EPB41L3: variants seen among roughly 807,000 people sequenced by gnomAD.
EPB41L3 encodes the protein erythrocyte membrane protein band 4.1 like 3, also known as band 4.1-like protein 3.
A neutral mutation model predicts 127.1 loss-of-function variants in EPB41L3; 57 were observed. That is an observed-to-expected ratio of 0.45 (90% CI 0.36 to 0.56). The LOEUF is 0.56. Among genes scored for constraint, EPB41L3 ranks in the 20% least tolerant of loss-of-function variants. The pLI, the probability that EPB41L3 is intolerant of heterozygous loss-of-function variation, is 0.00. For synonymous variants in EPB41L3, 572 were observed against 549.5 expected, an observed-to-expected ratio of 1.04 and a Z score of -0.57; for missense variants, 1,273 against 1,372.2, an observed-to-expected ratio of 0.93 and a Z score of 1.14.
At chr18:5,421,768 T>C (rs77250533) in intron 11 of EPB41L3, among the ~76,000 whole-genome samples, 6,623 of 152,166 alleles carry the variant, frequency 0.044, 183 homozygotes, top group Middle Eastern at 0.061. Context: ...AGCTAAGCTA[T>C]GGGTATGCAA....
intron 3 of EPB41L3, among the ~76,000 whole-genome samples, chr18:5,578,010 G>A (rs1157500743): frequency 6.6e-6 from 1 of 151,738 alleles, no homozygotes; most frequent in Non-Finnish European, 1.5e-5. Flanking sequence ...ATACTAGTAG[G>A]ACTACACTGG....
chr18:5,412,528 C>T (rs551510862), intron 13 of EPB41L3, among the ~76,000 whole-genome samples: 11 of 152,156 alleles, frequency 7.2e-5, no homozygotes, highest in Non-Finnish European at 1.5e-4. Context: ...GCGCCCAGCT[C>T]GAATGACTTG....
chr18:5,493,665 T>C (rs1688055428), intron 1 of EPB41L3, among the ~76,000 whole-genome samples: 2 of 152,174 alleles, frequency 1.3e-5, no homozygotes, highest in South Asian at 4.1e-4. Flanking sequence ...TCCACTCTCC[T>C]ACTCCCTCTA....
At chr18:5,447,472 T>TTTTTA (rs398031893) in intron 3 of EPB41L3, among the ~76,000 whole-genome samples, 1 of 147,804 alleles carries the variant, frequency 6.8e-6, no homozygotes, top group South Asian at 2.1e-4. Context: ...TTTTTTTTTT[T>TTTTTA]ACCTACATAC....
intron 1 of EPB41L3, among the ~76,000 whole-genome samples, chr18:5,622,947 G>T: frequency 8.9e-6 from 1 of 112,330 alleles, no homozygotes; most frequent in African/African-American, 3.5e-5. Context: ...ATGGCATAAT[G>T]CTGATTTTTT....
chr18:5,423,369 G>T lies in EPB41L3; in HGVS notation c.1339+9C>A. 2 of 1,591,976 alleles carry T rather than the reference G, an allele frequency of 1.3e-6. No homozygotes were observed. The highest frequency in any genetic ancestry group is 8.6e-7 in the Non-Finnish European group (1 of 1,164,748). ...ACTAGGTTATTAAGGGCCAGTAAGC[G>T]ATGCCTACCTCCATCCAAGCTGCGA... On this transcript the variant is annotated intron_variant, in intron 11 of 22. Transcript: ENST00000341928.
intron 3 of EPB41L3, among the ~76,000 whole-genome samples, chr18:5,571,664 A>G (rs2094282607): frequency 6.6e-6 from 1 of 152,212 alleles, no homozygotes; most frequent in Admixed American, 6.5e-5. Flanking sequence ...TTTTGGAGAA[A>G]GATTTTTATC....
At chr18:5,533,159 A>T (rs2093464950) in intron 1 of EPB41L3, among the ~76,000 whole-genome samples, 1 of 152,198 alleles carries the variant, frequency 6.6e-6, no homozygotes, top group East Asian at 1.9e-4. Context: ...GGGGGAAAAA[A>T]GCCAACGTCT....
At chr18:5,591,061 T>C (rs2094481381) in intron 3 of EPB41L3, among the ~76,000 whole-genome samples, 1 of 151,996 alleles carries the variant, frequency 6.6e-6, no homozygotes, top group Middle Eastern at 3.2e-3. Context: ...ATTTTAAAAA[T>C]AAAATTAAAA....
At chr18:5,457,087 T>C (rs1465442515) in intron 3 of EPB41L3, among the ~76,000 whole-genome samples, 1 of 151,956 alleles carries the variant, frequency 6.6e-6, no homozygotes, top group East Asian at 1.9e-4. Flanking sequence ...TTGCAAATGG[T>C]AGTAAATAAC....
chr18:5,625,082 C>T (rs1282374860), intron 1 of EPB41L3, among the ~76,000 whole-genome samples: 1 of 151,976 alleles, frequency 6.6e-6, no homozygotes. Flanking sequence ...GAGATCTGAA[C>T]ACTTAGATAC....
chr18:5,428,584 T>G, intron 8 of EPB41L3, 119 bp from the exon 9 acceptor site: 1 of 1,143,938 alleles, frequency 8.7e-7, no homozygotes, highest in Non-Finnish European at 1.3e-6. Flanking sequence ...TTATGCAAAA[T>G]GATGCAGCCA....
intron 5 of EPB41L3, among the ~76,000 whole-genome samples, chr18:5,439,798 C>T (rs989799514): frequency 1.3e-5 from 2 of 152,060 alleles, no homozygotes; most frequent in African/African-American, 4.8e-5. Flanking sequence ...CAACGCTTGC[C>T]AGTGGTAAGG....
chr18:5,540,374 A>G, intron 1 of EPB41L3: 1 of 985,432 alleles, frequency 1.0e-6, no homozygotes, highest in Non-Finnish European at 1.2e-6. Context: ...AAGGAGTCTC[A>G]TTGATTGATC....
intron 1 of EPB41L3, chr18:5,489,465 C>T (rs568306198): frequency 1.3e-5 from 5 of 394,102 alleles, no homozygotes; most frequent in Admixed American, 9.2e-5. Flanking sequence ...TTTGCCACAA[C>T]GGATTGTTAA....
At chr18:5,556,975 T>TG (rs1476159245) in intron 3 of EPB41L3, among the ~76,000 whole-genome samples, 2 of 151,894 alleles carry the variant, frequency 1.3e-5, no homozygotes, top group Non-Finnish European at 2.9e-5. Flanking sequence ...CCAGCACAGC[T>TG]GGGGGGCCCC....
At chr18:5,523,586 G>A (rs1473197828) in intron 1 of EPB41L3, among the ~76,000 whole-genome samples, 1 of 152,124 alleles carries the variant, frequency 6.6e-6, no homozygotes, top group Non-Finnish European at 1.5e-5. Flanking sequence ...ATCACCTGAG[G>A]TCAGGAGTGA....
chr18:5,612,869 T>C (rs2094744688), intron 2 of EPB41L3, among the ~76,000 whole-genome samples: 1 of 152,190 alleles, frequency 6.6e-6, no homozygotes, highest in African/African-American at 2.4e-5. Context: ...GTCTCCTGAG[T>C]AGCTGGGACT....
At chr18:5,630,541 C>T (rs746920153), upstream of EPB41L3, 1 of 516,686 alleles carries the variant, frequency 1.9e-6, no homozygotes, top group Non-Finnish European at 3.9e-6. Context: ...GGGGTCCAGT[C>T]TCGGGCTCGG....
Sources: allele counts gnomAD v4.1 joint callset (sites outside exome capture counted in the v4.1 genomes callset), GRCh38; gene constraint gnomAD v4.1.1; transcripts MANE v1.5; gene names NCBI Gene and HGNC (gene_info 2026-07-23, HGNC 2026-07-21).